Variants in WASF2 observed in about 807,000 individuals in gnomAD.
WASF2 encodes the protein actin-binding protein WASF2.
Under a neutral mutation model 45.0 loss-of-function variants are expected in WASF2, and 14 were observed. That is an observed-to-expected ratio of 0.31 (90% CI 0.21 to 0.49). The LOEUF is 0.49. Among genes scored for constraint, WASF2 ranks in the 20% least tolerant of loss-of-function variants. The pLI, the probability that WASF2 is intolerant of heterozygous loss-of-function variation, is 0.99. For missense variants in WASF2, 439 were observed against 636.1 expected (o/e 0.69, Z 3.33); for synonymous variants, 200 against 236.3 (o/e 0.85, Z 1.41).
At chr1:27,480,234 T>C (rs987289439) in intron 1 of WASF2, among the ~76,000 whole-genome samples, 1 of 152,132 alleles carries the variant, frequency 6.6e-6, no homozygotes, top group Non-Finnish European at 1.5e-5. Context: ...TGAGTACTTA[T>C]GGCCGGGTGT....
rs1470530394 is a variant in WASF2, at chr1:27,414,910, C to T, written c.591G>A (p.Lys197=). 2 of 1,614,066 alleles carry T rather than the reference C, an allele frequency of 1.2e-6. No homozygotes were observed. The highest frequency in any genetic ancestry group is 1.7e-6 in the Non-Finnish European group (2 of 1,180,026). The part of the protein sequence containing the change: ...NRGNVNPRKI[K]TRKEEWEKMK... ...TTTTCTCCCACTCTTCCTTACGTGT[C>T]TTGATTTTACGTGGGTTTACATTCC... is the stretch of plus-strand genomic sequence containing the variant. Residue 197 remains lysine (K), a synonymous_variant, in exon 6 of 9, where the codon AAG becomes AAA. Transcript: ENST00000618852. This position sits in a 1 kb window ranked among gnomAD's most constrained non-coding sequence, Gnocchi z 4.1.
chr1:27,435,226 G>A (rs559235194), intron 1 of WASF2, among the ~76,000 whole-genome samples: 6 of 152,196 alleles, frequency 3.9e-5, no homozygotes, highest in South Asian at 2.1e-4. Flanking sequence ...GATTACGGGC[G>A]TGAGCCACCA....
At position 27,410,894 on chromosome 1, in the gene WASF2, G is replaced by A. The variant is rs2016752987; in HGVS notation, c.825-688C>T. On this transcript the variant is annotated intron_variant, in intron 7 of 8. Transcript: ENST00000618852. The surrounding 1 kb of genome is among the most constrained non-coding windows in gnomAD (Gnocchi z 4.2). ...AGGATTAAAGCTACACCTCTCCTGG[G>A]ATCAGATTTGCTCGGCTGCAGCTGC... is the stretch of plus-strand genomic sequence containing the variant. Among the ~76,000 whole-genome samples, 1 of 152,208 alleles carries A rather than the reference G, an allele frequency of 6.6e-6. No individual in the cohort carries two copies. Among genetic ancestry groups the A allele is most frequent in the Non-Finnish European group, 1.5e-5 (1 of 68,032 alleles).
chr1:27,456,640 GAATA>G (rs1023528893), intron 1 of WASF2, among the ~76,000 whole-genome samples: 1 of 151,948 alleles, frequency 6.6e-6, no homozygotes, highest in East Asian at 1.9e-4. Context: ...TAGTGGTTAG[GAATA>G]AATAAATAAA....
chr1:27,409,626 C>T, intron 8 of WASF2, 66 bp downstream of exon 8: 3 of 1,399,762 alleles, frequency 2.1e-6, no homozygotes, highest in Non-Finnish European at 2.8e-6. Flanking sequence ...CACCCATCCC[C>T]CAATCAGTCA....
chr1:27,458,308 TAAAAA>T (rs71010355), intron 1 of WASF2, among the ~76,000 whole-genome samples: 10 of 29,404 alleles, frequency 3.4e-4, no homozygotes, highest in Non-Finnish European at 5.6e-4. Context: ...GCGAGATTCT[TAAAAA>T]AAAAAAAAAA....
chr1:27,479,386 G>A (rs2017815427), intron 1 of WASF2, among the ~76,000 whole-genome samples: 1 of 152,076 alleles, frequency 6.6e-6, no homozygotes, highest in African/African-American at 2.4e-5. Flanking sequence ...CCAGGGGCTG[G>A]AGACCAGCCT....
intron 1 of WASF2, among the ~76,000 whole-genome samples, chr1:27,478,300 A>G (rs1384682170): frequency 6.6e-6 from 1 of 150,406 alleles, no homozygotes; most frequent in African/African-American, 2.4e-5. Context: ...AAAGGATATG[A>G]TGTAAGAATA....
intron 1 of WASF2, among the ~76,000 whole-genome samples, chr1:27,486,373 G>T (rs1039927787): frequency 6.6e-6 from 1 of 151,950 alleles, no homozygotes; most frequent in Admixed American, 6.6e-5. Context: ...AGGTACTGTG[G>T]ACCGGTATAC....
intron 1 of WASF2, among the ~76,000 whole-genome samples, chr1:27,472,886 C>A (rs1189611333): frequency 1.5e-4 from 23 of 149,160 alleles, no homozygotes; most frequent in Non-Finnish European, 2.8e-4. Flanking sequence ...GTGGGAGGAT[C>A]CCTTGAGCCC....
At chr1:27,469,457 C>T (rs74063812) in intron 1 of WASF2, among the ~76,000 whole-genome samples, 22,513 of 152,070 alleles carry the variant, frequency 0.15, 2,198 homozygotes, top group East Asian at 0.37. Flanking sequence ...AGAGATCATT[C>T]GATCTAGTGT....
intron 1 of WASF2, among the ~76,000 whole-genome samples, chr1:27,437,373 G>A (rs1241457463): frequency 1.3e-5 from 2 of 152,092 alleles, no homozygotes; most frequent in East Asian, 3.8e-4. Flanking sequence ...ACAGGCAATC[G>A]GGGATAAAAT....
rs1216803098 is a variant in WASF2 at position 27,405,598 on chromosome 1, CCTTTT to C, written c.*2586_*2590del. On this transcript the variant is annotated 3_prime_UTR_variant, in exon 9 of 9. Coordinates refer to ENST00000618852, the MANE Select transcript of WASF2 (RefSeq NM_006990.5). ...TTAAAGGGCTCTGGGTCTAAAGAAG[CCTTTT>C]TTTTTTTTTTTTTTTTTTTTTTTTT... is the stretch of plus-strand genomic sequence containing the variant. 1.1e-4 allele frequency: 10 copies of C among 92,738 alleles called. No individual in the cohort carries two copies. The highest frequency in any genetic ancestry group is 4.2e-4 in the African/African-American group (10 of 23,854). 5.7% of individuals were successfully genotyped at this position (92,738 alleles called of 1,614,324 possible). A position where few individuals can be genotyped will look rare whatever the true frequency, so the allele number is the denominator to read the frequency against.
At chr1:27,465,298 T>A (rs1416973576) in intron 1 of WASF2, among the ~76,000 whole-genome samples, 1 of 152,236 alleles carries the variant, frequency 6.6e-6, no homozygotes, top group East Asian at 1.9e-4. Flanking sequence ...GGAGAAATGT[T>A]TAATGAGCTG....
At chr1:27,419,835 C>CA (rs1347870658) in intron 2 of WASF2, among the ~76,000 whole-genome samples, 3 of 152,132 alleles carry the variant, frequency 2.0e-5, no homozygotes, top group Non-Finnish European at 4.4e-5. Flanking sequence ...AGCTTATCAA[C>CA]AAGCCATAGC....
intron 1 of WASF2, among the ~76,000 whole-genome samples, chr1:27,484,086 G>A (rs1222301341): frequency 1.3e-5 from 2 of 152,088 alleles, no homozygotes. Flanking sequence ...AGGAACTATG[G>A]AGCCACCCCA....
intron 1 of WASF2, among the ~76,000 whole-genome samples, chr1:27,434,983 G>T (rs2017113424): frequency 6.6e-6 from 1 of 151,590 alleles, no homozygotes; most frequent in African/African-American, 2.4e-5. Context: ...TTTTGCTCTT[G>T]TTGCCCAGGC....
chr1:27,441,106 G>A lies in WASF2; in HGVS notation c.-43-12173C>T, dbSNP rs182724284. On this transcript the variant is annotated intron_variant, in intron 1 of 8. Transcript: ENST00000618852. ...TAGTCTCGAACTCCTGAGCTCAAGC[G>A]ATCTGCCCGCCTCAGCCTCCCAATG... 4.6e-3 allele frequency among the ~76,000 whole-genome samples: 704 copies of A among 152,016 alleles called. 4 individuals are homozygous for A. Among genetic ancestry groups the A allele is most frequent in the African/African-American group, 0.015 (643 of 41,496 alleles).
At chr1:27,409,343 T>G (rs1021816360) in intron 8 of WASF2, among the ~76,000 whole-genome samples, 6 of 135,496 alleles carry the variant, frequency 4.4e-5, no homozygotes, top group African/African-American at 8.4e-5. Context: ...GAGAATGGCG[T>G]GAACCCGGGA....
Sources: allele counts gnomAD v4.1 joint callset (sites outside exome capture counted in the v4.1 genomes callset), GRCh38; gene constraint gnomAD v4.1.1; non-coding constraint Gnocchi (gnomAD v3.1); transcripts MANE v1.5; gene names NCBI Gene and HGNC (gene_info 2026-07-23, HGNC 2026-07-21).